The following SHC3 variants were observed in gnomAD, a reference collection of about 807,000 sequenced individuals.
SHC3 encodes the protein SHC-transforming protein 3.
Under a neutral mutation model 60.4 loss-of-function variants are expected in SHC3, and 15 were observed. That is an observed-to-expected ratio of 0.25 (90% CI 0.17 to 0.38). The LOEUF is 0.38. Among genes scored for constraint, SHC3 ranks in the 10% least tolerant of loss-of-function variants. SHC3 has a pLI of 1.00. For synonymous variants in SHC3, 294 were observed against 325.9 expected (o/e 0.90, Z 1.05); for missense variants, 677 against 786.1 (o/e 0.86, Z 1.66).
At chr9:89,156,251 C>T (rs58507374) in intron 1 of SHC3, among the ~76,000 whole-genome samples, 4,635 of 152,234 alleles carry the variant, frequency 0.03, 223 homozygotes, top group African/African-American at 0.1. Context: ...ACTGAGCCCT[C>T]CTGCATATAG....
At chr9:89,076,545 T>C (rs1825361141) in intron 3 of SHC3, among the ~76,000 whole-genome samples, 1 of 152,176 alleles carries the variant, frequency 6.6e-6, no homozygotes, top group South Asian at 2.1e-4. Context: ...GAAGAGGTTT[T>C]CATGGTTTCT....
intron 1 of SHC3, among the ~76,000 whole-genome samples, 170 bp downstream of exon 1, chr9:89,177,817 C>T (rs1471835710): frequency 6.6e-6 from 1 of 152,264 alleles, no homozygotes; most frequent in African/African-American, 2.4e-5. Flanking sequence ...ATTTGTAGTT[C>T]CCTCCTCACC....
intron 1 of SHC3, among the ~76,000 whole-genome samples, chr9:89,169,934 G>A (rs1000154042): frequency 5.3e-5 from 8 of 152,174 alleles, no homozygotes; most frequent in Non-Finnish European, 8.8e-5. Context: ...GGCTGCAAGC[G>A]GAGGAGGTGG....
chr9:89,037,944 A>G lies in SHC3; in HGVS notation c.1656+49T>C, dbSNP rs202001514. 6.9e-4 allele frequency: 1,089 copies of G among 1,581,984 alleles called. 3 individuals carry two copies. The highest frequency in any genetic ancestry group is 9.0e-4 in the Non-Finnish European group (1,054 of 1,169,104). On this transcript the variant is annotated intron_variant, in intron 11 of 11. Transcript: ENST00000375835. ...TGACAAAGTGGAGACTGTTTAAGGC[A>G]GGTCTGCACCCACTGGCAGGTCCGG... is the stretch of plus-strand genomic sequence containing the variant.
intron 1 of SHC3, among the ~76,000 whole-genome samples, chr9:89,156,801 A>G (rs1826630238): frequency 6.6e-6 from 1 of 152,182 alleles, no homozygotes; most frequent in Admixed American, 6.5e-5. Context: ...GGTCATGCCT[A>G]TGAACCAGAG....
At chr9:89,096,022 T>C (rs973695842) in intron 2 of SHC3, among the ~76,000 whole-genome samples, 1 of 152,160 alleles carries the variant, frequency 6.6e-6, no homozygotes, top group African/African-American at 2.4e-5. Flanking sequence ...TCTGGCCACA[T>C]GTCAGAAAGT....
At chr9:89,156,413 A>T (rs1310259511) in intron 1 of SHC3, among the ~76,000 whole-genome samples, 1 of 152,178 alleles carries the variant, frequency 6.6e-6, no homozygotes, top group African/African-American at 2.4e-5. Flanking sequence ...CATAGATATG[A>T]TTAAGTTAAG....
chr9:89,087,654 C>A (rs1004027076), intron 2 of SHC3, among the ~76,000 whole-genome samples: 2 of 152,204 alleles, frequency 1.3e-5, no homozygotes, highest in Non-Finnish European at 2.9e-5. Context: ...TTATTATATA[C>A]TAATTCTAGA....
intron 6 of SHC3, among the ~76,000 whole-genome samples, chr9:89,064,863 G>A (rs1186158287): frequency 6.6e-6 from 1 of 152,092 alleles, no homozygotes. Flanking sequence ...CTGGGGTAGG[G>A]GGGTAGTGAA....
rs116606181 is a variant in SHC3, at chr9:89,029,275, G to C, written c.1656+8718C>G. On this transcript the variant is annotated intron_variant, in intron 11 of 11. Transcript: ENST00000375835. ...AAAGGAAAACACAAGTCTTCAGAAT[G>C]AAAGTGTTCATCAAGTTCCTAGAAC... Among the ~76,000 whole-genome samples the C allele has an allele frequency of 4.5e-3, 689 of 151,916 alleles. 5 individuals carry two copies. The highest frequency in any genetic ancestry group is 0.016 in the African/African-American group (663 of 41,488).
chr9:89,127,735 G>A (rs896256118), intron 1 of SHC3, among the ~76,000 whole-genome samples: 4 of 151,820 alleles, frequency 2.6e-5, no homozygotes, highest in Non-Finnish European at 5.9e-5. Flanking sequence ...TATTAGAGAA[G>A]TATGCTCTTG....
rs201195671 is a variant in SHC3 at position 89,058,261 on chromosome 9, G to A, written c.836-6098C>T. Among the ~76,000 whole-genome samples, 26 of 152,100 alleles carry A rather than the reference G, an allele frequency of 1.7e-4. No individual in the cohort carries two copies. In the East Asian group the frequency reaches 3.3e-3, roughly 19 times the overall value. ...GTGGTAGAGGATAGTGGCATAGGAC[G>A]TGGTGGAAGATGGTGGTGGAGGACG... On this transcript the variant is annotated intron_variant, in intron 6 of 11. Coordinates refer to ENST00000375835, the MANE Select transcript of SHC3 (RefSeq NM_016848.6).
intron 1 of SHC3, among the ~76,000 whole-genome samples, chr9:89,154,211 T>A (rs1254716172): frequency 6.6e-6 from 1 of 152,188 alleles, no homozygotes; most frequent in Non-Finnish European, 1.5e-5. Context: ...TTTTCTTTTT[T>A]TTTTTAGCTC....
intron 1 of SHC3, among the ~76,000 whole-genome samples, chr9:89,137,155 C>T (rs1226774984): frequency 1.3e-5 from 2 of 152,058 alleles, no homozygotes; most frequent in African/African-American, 4.8e-5. Flanking sequence ...CGGTCCCTCC[C>T]CCAAAATCGG....
chr9:89,029,865 T>C lies in SHC3; in HGVS notation c.1656+8128A>G, dbSNP rs887779553. Among the ~76,000 whole-genome samples, 6 of 152,170 alleles carry C rather than the reference T, an allele frequency of 3.9e-5. No homozygotes were observed. The South Asian group carries it at 1.2e-3, about 31-fold the overall frequency. The stretch of plus-strand genomic sequence containing the variant: ...CAATGTTATGCCTAATATATAGAAC[T>C]ATAATATACATATTACATTAAAAAA... On this transcript the variant is annotated intron_variant, in intron 11 of 11. Coordinates refer to ENST00000375835, the MANE Select transcript of SHC3 (RefSeq NM_016848.6).
chr9:89,089,491 C>T (rs1188842361), intron 2 of SHC3, among the ~76,000 whole-genome samples: 1 of 152,168 alleles, frequency 6.6e-6, no homozygotes, highest in African/African-American at 2.4e-5. Flanking sequence ...AAAGCTCACA[C>T]ACCACCAGAA....
chr9:89,178,402 T>C lies in SHC3; in HGVS notation c.59A>G (p.Asp20Gly), dbSNP rs1245751086. The C allele has an allele frequency of 6.5e-7, 1 of 1,548,674 alleles. No individual in the cohort carries two copies. The highest frequency in any genetic ancestry group is 1.9e-5 in the Admixed American group (1 of 52,336). Residue 20 changes from aspartate to glycine, a missense_variant, in exon 1 of 12, where the codon GAC becomes GGC. Asp to Gly is a moderately conservative substitution (Grantham distance 94, BLOSUM62 -1). Transcript: ENST00000375835. This position sits in a 1 kb window ranked among gnomAD's most constrained non-coding sequence, Gnocchi z 6.9. ...GCTCACCGACAGGCTGTGGAGAAGG[T>C]CATCGACCGATGTCACCGAGTCATT... is the stretch of plus-strand genomic sequence containing the variant. The part of the protein sequence containing the change: ...FRNDSVTSVD[D>G]LLHSLSVSGG...
chr9:89,177,536 C>T (rs1372999229), intron 1 of SHC3, among the ~76,000 whole-genome samples: 2 of 152,220 alleles, frequency 1.3e-5, no homozygotes, highest in Non-Finnish European at 2.9e-5. Context: ...CAACAAGATA[C>T]CCACCCTCCC....
intron 1 of SHC3, among the ~76,000 whole-genome samples, chr9:89,166,938 T>C (rs2118257624): frequency 6.6e-6 from 1 of 152,346 alleles, no homozygotes; most frequent in Non-Finnish European, 1.5e-5. Context: ...GAATCCACTG[T>C]ACTGTGTGGT....
Sources: allele counts gnomAD v4.1 joint callset (sites outside exome capture counted in the v4.1 genomes callset), GRCh38; gene constraint gnomAD v4.1.1; non-coding constraint Gnocchi (gnomAD v3.1); transcripts MANE v1.5; gene names NCBI Gene and HGNC (gene_info 2026-07-23, HGNC 2026-07-21).